CCDC77: variants seen among roughly 807,000 people sequenced by gnomAD.
CCDC77 encodes coiled-coil domain-containing protein 77.
A neutral mutation model predicts 66.8 loss-of-function variants in CCDC77; 56 were observed. The ratio of observed to expected loss-of-function variants is 0.84; its 90% CI spans 0.68 to 1.05. The LOEUF is 1.05. CCDC77 is among the 50% of genes least tolerant of loss of function. CCDC77 has a pLI of 0.00. For missense variants in CCDC77, 570 were observed against 576.8 expected, an observed-to-expected ratio of 0.99 and a Z score of 0.12; for synonymous variants, 196 against 195.2, an observed-to-expected ratio of 1.00 and a Z score of -0.03.
intron 7 of CCDC77, 78 bp from the exon 8 acceptor site, chr12:431,788 G>A (rs554217468): frequency 1.3e-4 from 118 of 891,730 alleles, no homozygotes; most frequent in Middle Eastern, 2.7e-4. Context: ...ACTCCTCTGC[G>A]TGGGAAATAC....
At chr12:392,201 G>T (rs150009596) in intron 1 of CCDC77, among the ~76,000 whole-genome samples, 71 of 152,070 alleles carry the variant, frequency 4.7e-4, no homozygotes, top group African/African-American at 1.5e-3. Context: ...TTATTTATCT[G>T]AAATTTATTA....
chr12:433,651 CAA>C (rs74643579), intron 9 of CCDC77, among the ~76,000 whole-genome samples: 57 of 121,166 alleles, frequency 4.7e-4, no homozygotes, highest in African/African-American at 1.0e-3. Context: ...GACCCTGTCT[CAA>C]AAAAAAAAAA....
At chr12:432,055 A>C (rs577522289) in intron 8 of CCDC77, 101 bp downstream of exon 8, 5 of 682,560 alleles carry the variant, frequency 7.3e-6, no homozygotes, top group Non-Finnish European at 1.3e-5. Context: ...CCTTGCACAC[A>C]GGTTACATCT....
chr12:418,841 G>A (rs1409899942), intron 5 of CCDC77: 1 of 552,206 alleles, frequency 1.8e-6, no homozygotes, highest in Admixed American at 3.2e-5. Context: ...TGGGAACACA[G>A]GTGTGCACTA....
intron 4 of CCDC77, among the ~76,000 whole-genome samples, chr12:416,375 GTGTATATATATATATA>G (rs1282705881): frequency 8.3e-4 from 17 of 20,588 alleles, no homozygotes; most frequent in Admixed American, 2.6e-3. Flanking sequence ...GTGTGTGTGT[GTGTATATATATATATA>G]TATATATATA....
At chr12:433,118 G>GGTATGAAGTAAGTGGAA in intron 8 of CCDC77, 56 bp from the exon 9 acceptor site, 1 of 1,546,298 alleles carries the variant, frequency 6.5e-7, no homozygotes, top group Non-Finnish European at 8.8e-7. Flanking sequence ...TTTTCCTAGA[G>GGTATGAAGTAAGTGGAA]GTATGAAGTA....
chr12:419,684 TAC>T (rs1157744074), intron 5 of CCDC77, among the ~76,000 whole-genome samples: 1 of 31,220 alleles, frequency 3.2e-5, no homozygotes, highest in Non-Finnish European at 5.7e-5. Context: ...GAGGGTAAAA[TAC>T]ACATAGCAGC....
chr12:415,353 A>G (rs796876420), intron 4 of CCDC77, among the ~76,000 whole-genome samples: 1,147 of 88,924 alleles, frequency 0.013, 78 homozygotes, highest in Non-Finnish European at 0.022. Flanking sequence ...TATAATCAAC[A>G]TAATATTATG....
Position 433,331 on chromosome 12 carries a change from C to G in CCDC77, c.821+9C>G. On this transcript the variant is annotated intron_variant, in intron 9 of 12. Transcript: ENST00000239830. ...AAAGAGCTAACCAAAAAGTGAGTGT[C>G]TAAGAAAGCTGTACCTAACGGGTAT... 6.2e-7 allele frequency: 1 copy of G among 1,613,436 alleles called. No homozygotes were observed. Among genetic ancestry groups the G allele is most frequent in the Admixed American group, 1.7e-5 (1 of 59,814 alleles).
chr12:426,429 A>G (rs1295466150), intron 5 of CCDC77, among the ~76,000 whole-genome samples: 1 of 152,106 alleles, frequency 6.6e-6, no homozygotes, highest in African/African-American at 2.4e-5. Flanking sequence ...TCCAGAATCC[A>G]TCTGGTTTTG....
intron 5 of CCDC77, among the ~76,000 whole-genome samples, chr12:423,104 TC>T (rs1403080843): frequency 2.3e-5 from 3 of 129,776 alleles, no homozygotes; most frequent in African/African-American, 7.6e-5. Context: ...CTTTTTTTTT[TC>T]TTTTAAGCCT....
At chr12:422,434 C>G (rs1248786579) in intron 5 of CCDC77, among the ~76,000 whole-genome samples, 1 of 152,234 alleles carries the variant, frequency 6.6e-6, no homozygotes, top group Non-Finnish European at 1.5e-5. Context: ...ACTCCCACAT[C>G]CCCGTTACCC....
chr12:422,502 G>A (rs1434106214), intron 5 of CCDC77, among the ~76,000 whole-genome samples: 1 of 152,218 alleles, frequency 6.6e-6, no homozygotes, highest in Non-Finnish European at 1.5e-5. Flanking sequence ...GATTTTAGGT[G>A]CCTCACGTAA....
At chr12:409,486 T>C (rs1945064973) in intron 3 of CCDC77, 65 bp downstream of exon 3, 1 of 1,404,572 alleles carries the variant, frequency 7.1e-7, no homozygotes, top group Non-Finnish European at 1.0e-6. Context: ...AGTCTAAGCA[T>C]AGGAACTGGA....
chr12:423,057 T>C (rs1254144557), intron 5 of CCDC77, among the ~76,000 whole-genome samples: 1 of 151,696 alleles, frequency 6.6e-6, no homozygotes, highest in Non-Finnish European at 1.5e-5. Flanking sequence ...CACAAGGGTT[T>C]CAGTTTCTCC....
intron 5 of CCDC77, among the ~76,000 whole-genome samples, chr12:428,370 G>C (rs1162724462): frequency 3.9e-5 from 6 of 151,992 alleles, no homozygotes; most frequent in African/African-American, 1.5e-4. Context: ...AATTAGCCGG[G>C]CATAGTGGCG....
chr12:427,118 GC>G (rs1192312156), intron 5 of CCDC77, among the ~76,000 whole-genome samples: 2 of 152,022 alleles, frequency 1.3e-5, no homozygotes, highest in Non-Finnish European at 2.9e-5. Context: ...TGTGGCATGC[GC>G]CTGTAGTCCC....
At chr12:415,317 A>T (rs1945207989) in intron 4 of CCDC77, among the ~76,000 whole-genome samples, 1 of 106,732 alleles carries the variant, frequency 9.4e-6, no homozygotes, top group African/African-American at 3.9e-5. Context: ...TATTATGTTA[A>T]TATAATCAAC....
At chr12:426,653 G>C (rs775902470) in intron 5 of CCDC77, among the ~76,000 whole-genome samples, 1 of 152,112 alleles carries the variant, frequency 6.6e-6, no homozygotes, top group Non-Finnish European at 1.5e-5. Context: ...AATGCCCATT[G>C]ATTTGGTGGA....
Sources: allele counts gnomAD v4.1 joint callset (sites outside exome capture counted in the v4.1 genomes callset), GRCh38; gene constraint gnomAD v4.1.1; transcripts MANE v1.5; gene names NCBI Gene and HGNC (gene_info 2026-07-23, HGNC 2026-07-21).